Variants in CCDC171 observed in about 807,000 individuals in gnomAD.
CCDC171 encodes coiled-coil domain containing 171.
Under a neutral mutation model 168.2 loss-of-function variants are expected in CCDC171, and 177 were observed. The ratio of observed to expected loss-of-function variants is 1.05; its 90% CI spans 0.93 to 1.19. CCDC171 has a LOEUF of 1.19. CCDC171 is among the 50% of genes most tolerant of loss of function. The pLI is 0.00. For missense variants in CCDC171, 1,991 were observed against 1,539.0 expected, an observed-to-expected ratio of 1.29 and a Z score of -4.91; for synonymous variants, 687 against 540.8, an observed-to-expected ratio of 1.27 and a Z score of -3.75.
chr9:15,619,482 A>G (rs1314742064), intron 6 of CCDC171, among the ~76,000 whole-genome samples: 2 of 152,188 alleles, frequency 1.3e-5, no homozygotes, highest in African/African-American at 4.8e-5. Flanking sequence ...GTCAAAGCCT[A>G]ATTTAGAACA....
At position 15,671,802 on chromosome 9, in the gene CCDC171, G is replaced by A. The variant is rs145271687; in HGVS notation, c.1076+5479G>A. On this transcript the variant is annotated intron_variant, in intron 9 of 25. Coordinates refer to ENST00000380701, the MANE Select transcript of CCDC171 (RefSeq NM_173550.4). ...GTTCCAAGTCTTTGTGAATAGTGCC[G>A]CAATAAACATACATGTGCATGTGTC... 5.9e-3 allele frequency among the ~76,000 whole-genome samples: 892 copies of A among 152,078 alleles called. 11 individuals carry two copies. The highest frequency in any genetic ancestry group is 0.02 in the African/African-American group (830 of 41,486).
chr9:15,720,998 A>G (rs1358641696), intron 11 of CCDC171, among the ~76,000 whole-genome samples: 1 of 152,170 alleles, frequency 6.6e-6, no homozygotes, highest in Non-Finnish European at 1.5e-5. Context: ...TTGAAATTCA[A>G]CTTTTTGGAT....
the CCDC171 span, among the ~76,000 whole-genome samples, chr9:16,094,532 A>G: frequency 6.6e-6 from 1 of 152,160 alleles, no homozygotes; most frequent in Non-Finnish European, 1.5e-5. Flanking sequence ...AGGGAGGGGC[A>G]AGAGTCAAGG....
At chr9:15,908,464 A>G (rs1364614313) in intron 24 of CCDC171, among the ~76,000 whole-genome samples, 1 of 139,514 alleles carries the variant, frequency 7.2e-6, no homozygotes, top group African/African-American at 2.6e-5. Context: ...ATGAGAACAC[A>G]TGGACACAGG....
At position 15,657,211 on chromosome 9, in the gene CCDC171, A is replaced by G. The variant is rs776895425; in HGVS notation, c.907A>G (p.Ile303Val). ...TTTGGAATCAAAATTTAATTCTGAA[A>G]TTATTCAGGTAAAATGTAAACAAAT... The part of the protein sequence containing the change: ...AHLESKFNSE[I>V]IQLRIRDLEG... The change falls in exon 8 of 26, where the codon ATT becomes GTT. Residue 303 changes from isoleucine (I) to valine (V), a missense_variant. Transcript: ENST00000380701. 1.9e-6 allele frequency: 3 copies of G among 1,598,106 alleles called. No individual in the cohort carries two copies. Among genetic ancestry groups the G allele is most frequent in the South Asian group, 1.1e-5 (1 of 90,422 alleles).
At chr9:15,868,102 A>G (rs1340263473) in intron 23 of CCDC171, among the ~76,000 whole-genome samples, 2 of 152,028 alleles carry the variant, frequency 1.3e-5, no homozygotes, top group East Asian at 1.9e-4. Flanking sequence ...GGATGTAACT[A>G]TAATGTGTGG....
chr9:15,788,268 C>A (rs1259021582), intron 21 of CCDC171, among the ~76,000 whole-genome samples: 1 of 152,084 alleles, frequency 6.6e-6, no homozygotes, highest in Non-Finnish European at 1.5e-5. Context: ...GTTTCCTCTT[C>A]TGCAGAAATA....
At chr9:16,106,088 G>A in the CCDC171 span, among the ~76,000 whole-genome samples, 109 of 152,244 alleles carry the variant, frequency 7.2e-4, no homozygotes, top group African/African-American at 2.5e-3. Context: ...TGAATGAGGT[G>A]GCCCCTGCCC....
rs755383299 is a variant in CCDC171, at chr9:15,846,701, G to C, written c.3268-1G>C. ...TAACTCTGTTTTCTGTCTGCTTGCA[G>C]AGTCTCTCCGAGGCAAAGATGGAGC... On this transcript the variant is annotated splice_acceptor_variant, in intron 21 of 25. Transcript: ENST00000380701. LOFTEE classifies it high-confidence loss of function. The C allele has an allele frequency of 6.2e-7, 1 of 1,612,514 alleles. No individual in the cohort carries two copies.
chr9:16,056,804 A>G (rs1029264882), intron 1 of CCDC171, among the ~76,000 whole-genome samples: 1 of 152,208 alleles, frequency 6.6e-6, no homozygotes, highest in Non-Finnish European at 1.5e-5. Context: ...GTGAAGTTTT[A>G]AAGTATAAAA....
intron 24 of CCDC171, among the ~76,000 whole-genome samples, chr9:15,878,128 A>T (rs1269495362): frequency 1.3e-5 from 2 of 152,204 alleles, no homozygotes; most frequent in Non-Finnish European, 2.9e-5. Flanking sequence ...CAAATGACAA[A>T]TGGGATCAAA....
At chr9:15,749,896 A>T (rs923321749) in intron 18 of CCDC171, among the ~76,000 whole-genome samples, 5 of 152,202 alleles carry the variant, frequency 3.3e-5, no homozygotes, top group Non-Finnish European at 7.3e-5. Flanking sequence ...ACACCCTAAC[A>T]TCACAATTAA....
At position 15,719,450 on chromosome 9, in the gene CCDC171, G is replaced by C. The variant is rs1052638104; in HGVS notation, c.1319-2319G>C. Among the ~76,000 whole-genome samples, 33 of 140,266 alleles carry C rather than the reference G, an allele frequency of 2.4e-4. 1 individual carries two copies. Among genetic ancestry groups the C allele is most frequent in the African/African-American group, 7.6e-4 (29 of 38,062 alleles). 92.0% of individuals were successfully genotyped at this position (140,266 alleles called of 152,430 possible). On this transcript the variant is annotated intron_variant, in intron 11 of 25. Coordinates refer to ENST00000380701, the MANE Select transcript of CCDC171 (RefSeq NM_173550.4). ...AGAGAGAGAGAGAGAGAGAGAGAAA[G>C]TTTATTCAAATGGATAATAATAGGG... is the stretch of plus-strand genomic sequence containing the variant.
At position 15,848,889 on chromosome 9, in the gene CCDC171, C is replaced by T. The variant is rs370541412; in HGVS notation, c.3414-4C>T. On this transcript the variant is annotated splice_polypyrimidine_tract_variant and splice_region_variant and intron_variant, in intron 22 of 25. Transcript: ENST00000380701. Reference sequence around the variant, plus strand: ...ACTAACACTTAATCTTTTATTTTTTCTAGAGACAAAGAATGTGTTGCTAAT... The same window carrying T: ...ACTAACACTTAATCTTTTATTTTTTTTAGAGACAAAGAATGTGTTGCTAAT... 6.5e-6 allele frequency: 10 copies of T among 1,540,514 alleles called. No homozygotes were observed. Among genetic ancestry groups the T allele is most frequent in the Non-Finnish European group, 8.8e-6 (10 of 1,130,996 alleles).
intron 24 of CCDC171, among the ~76,000 whole-genome samples, chr9:15,905,708 C>T (rs1211116032): frequency 6.6e-6 from 1 of 151,964 alleles, no homozygotes; most frequent in African/African-American, 2.4e-5. Flanking sequence ...CACAAAAAAC[C>T]CTTCAAAAAA....
At chr9:15,823,071 A>C (rs1014830537) in intron 21 of CCDC171, among the ~76,000 whole-genome samples, 5 of 152,198 alleles carry the variant, frequency 3.3e-5, no homozygotes, top group Non-Finnish European at 7.4e-5. Context: ...CATTTTCAGC[A>C]AACTATCGCA....
chr9:15,905,084 C>A (rs1177514608), intron 24 of CCDC171, among the ~76,000 whole-genome samples: 1 of 150,466 alleles, frequency 6.6e-6, no homozygotes, highest in Non-Finnish European at 1.5e-5. Flanking sequence ...GAGACTTTAA[C>A]ACCCCACTGT....
chr9:15,572,309 T>C (rs1204166915), intron 3 of CCDC171, among the ~76,000 whole-genome samples: 2 of 152,216 alleles, frequency 1.3e-5, no homozygotes, highest in Non-Finnish European at 2.9e-5. Context: ...CTCTCTGCTG[T>C]GTTTTTTCTC....
chr9:15,962,989 A>G (rs1830488378), intron 25 of CCDC171, among the ~76,000 whole-genome samples: 1 of 151,932 alleles, frequency 6.6e-6, no homozygotes, highest in African/African-American at 2.4e-5. Flanking sequence ...GCCTTTACAT[A>G]TTTACCTCAC....
Sources: allele counts gnomAD v4.1 joint callset (sites outside exome capture counted in the v4.1 genomes callset), GRCh38; gene constraint gnomAD v4.1.1; transcripts MANE v1.5; gene names NCBI Gene and HGNC (gene_info 2026-07-23, HGNC 2026-07-21).